APPBP2: variants seen among roughly 807,000 people sequenced by gnomAD.
APPBP2 encodes amyloid beta precursor protein binding protein 2.
A neutral mutation model predicts 76.0 loss-of-function variants in APPBP2; 15 were observed. That is an observed-to-expected ratio of 0.20 (90% CI 0.13 to 0.30). The LOEUF (loss-of-function observed/expected upper bound fraction) is 0.30. Among genes scored for constraint, APPBP2 ranks in the 10% least tolerant of loss-of-function variants. APPBP2 has a pLI of 1.00. For synonymous variants in APPBP2, 222 were observed against 242.2 expected (o/e 0.92, Z 0.77); for missense variants, 401 against 687.2 (o/e 0.58, Z 4.66).
At chr17:60,525,326 G>A (rs1454451669) in intron 1 of APPBP2, among the ~76,000 whole-genome samples, 1 of 152,156 alleles carries the variant, frequency 6.6e-6, no homozygotes, top group East Asian at 1.9e-4. Context: ...GAAGGAACAC[G>A]AAGCAAAAAC....
At chr17:60,508,790 A>G (rs567682857) in intron 1 of APPBP2, among the ~76,000 whole-genome samples, 1 of 152,282 alleles carries the variant, frequency 6.6e-6, no homozygotes, top group East Asian at 1.9e-4. Context: ...GGCATTAAAA[A>G]CTAGCCTGAA....
chr17:60,510,969 T>C (rs1382617549), intron 1 of APPBP2, among the ~76,000 whole-genome samples: 2 of 152,110 alleles, frequency 1.3e-5, no homozygotes, highest in East Asian at 1.9e-4. Flanking sequence ...CCCCCAATGG[T>C]TAAAAGAATG....
At chr17:60,463,358 A>T (rs905810271) in intron 6 of APPBP2, among the ~76,000 whole-genome samples, 4 of 152,180 alleles carry the variant, frequency 2.6e-5, no homozygotes, top group Admixed American at 2.6e-4. Context: ...ACCGTGGTGG[A>T]CCTGTAATCC....
rs562017647 is a variant in APPBP2, at chr17:60,496,947, CTGACCTCAGG to C, written c.228-2340_228-2331del. On this transcript the variant is annotated intron_variant, in intron 2 of 12. Coordinates refer to ENST00000083182, the MANE Select transcript of APPBP2 (RefSeq NM_006380.5). ...TGTTGGCCAGGCTGGTCTTCAACTCCTGACCTCAGGTGATCCACCCACCTTGGCCTCCCAA... is the reference window on the plus strand; with the variant it reads ...TGTTGGCCAGGCTGGTCTTCAACTCCTGATCCACCCACCTTGGCCTCCCAA... Among the ~76,000 whole-genome samples the C allele has an allele frequency of 2.2e-4, 34 of 152,314 alleles. No individual in the cohort carries two copies. In the South Asian group the frequency reaches 7.0e-3, roughly 32 times the overall value.
intron 3 of APPBP2, among the ~76,000 whole-genome samples, chr17:60,484,115 G>A (rs1172970877): frequency 6.6e-6 from 1 of 152,172 alleles, no homozygotes. Flanking sequence ...GTACCACGCT[G>A]TTTTGGTTAC....
At chr17:60,460,974 G>A (rs918571670) in intron 8 of APPBP2, 187 bp from the exon 9 acceptor site, 13 of 380,652 alleles carry the variant, frequency 3.4e-5, no homozygotes, top group African/African-American at 1.4e-4. Context: ...CTGAAGATAC[G>A]AGTTTGACTT....
rs2090812439 is a variant in APPBP2 at position 60,500,285 on chromosome 17, G to A, written c.227+114C>T. 1.1e-5 allele frequency: 8 copies of A among 708,036 alleles called. No individual in the cohort carries two copies. The South Asian group carries it at 1.6e-4, about 14-fold the overall frequency. The allele number at this position is 708,036 out of a possible 1,614,324, so 43.9% of individuals were successfully genotyped here. A position where few individuals can be genotyped will look rare whatever the true frequency, so the allele number is the denominator to read the frequency against. Reference sequence around the variant, plus strand: ...GCCTCCCAAAGTGCTGGGATTACAGGCGTAAGCCACAGCACCCAGCCCACA... The same window carrying A: ...GCCTCCCAAAGTGCTGGGATTACAGACGTAAGCCACAGCACCCAGCCCACA... On this transcript the variant is annotated intron_variant, in intron 2 of 12. Transcript: ENST00000083182.
intron 12 of APPBP2, 99 bp downstream of exon 12, chr17:60,451,780 CA>C: frequency 2.7e-6 from 3 of 1,091,628 alleles, no homozygotes; most frequent in Non-Finnish European, 3.9e-6. Flanking sequence ...CACCCAGCCC[CA>C]TTTAAGTCTT....
intron 1 of APPBP2, among the ~76,000 whole-genome samples, chr17:60,508,137 C>T (rs568108550): frequency 6.6e-6 from 1 of 152,068 alleles, no homozygotes; most frequent in East Asian, 1.9e-4. Flanking sequence ...CAATGCCTGG[C>T]TAATTTGTGT....
chr17:60,493,439 T>C (rs540328720), intron 3 of APPBP2, among the ~76,000 whole-genome samples: 1 of 152,296 alleles, frequency 6.6e-6, no homozygotes, highest in Admixed American at 6.5e-5. Flanking sequence ...TTAAACAATA[T>C]TTTTCTACAT....
At position 60,466,300 on chromosome 17, in the gene APPBP2, G is replaced by A. The variant is rs147956596; in HGVS notation, c.663C>T (p.His221=). ...ELCALLFAKS[H]YDEAYKWCIE... ...ACCTTAAAACACTTACCTCATCATA[G>A]TGACTTTTTGCAAATAGGAGTGCAC... Residue 221 remains histidine, a synonymous_variant, in exon 5 of 13, where the codon CAC becomes CAT. Coordinates refer to ENST00000083182, the MANE Select transcript of APPBP2 (RefSeq NM_006380.5). The A allele has an allele frequency of 2.5e-6, 4 of 1,613,456 alleles. No homozygotes were observed. Among genetic ancestry groups the A allele is most frequent in the Admixed American group, 1.7e-5 (1 of 59,906 alleles).
At chr17:60,496,815 G>A (rs2090779466) in intron 2 of APPBP2, among the ~76,000 whole-genome samples, 1 of 152,058 alleles carries the variant, frequency 6.6e-6, no homozygotes, top group South Asian at 2.1e-4. Context: ...CCGCCTCCCG[G>A]GTTCAAGTGA....
intron 1 of APPBP2, among the ~76,000 whole-genome samples, chr17:60,521,071 G>A (rs541256416): frequency 1.3e-5 from 2 of 152,198 alleles, no homozygotes; most frequent in South Asian, 4.2e-4. Context: ...GCTAGGATGG[G>A]ACTACAGGCA....
chr17:60,466,188 T>C (rs955346002), intron 5 of APPBP2, 103 bp downstream of exon 5: 4 of 1,159,122 alleles, frequency 3.5e-6, no homozygotes, highest in Admixed American at 2.3e-5. Context: ...AAACCTAATA[T>C]GTAAAAGAGA....
chr17:60,495,640 T>C (rs1325255838), intron 2 of APPBP2, among the ~76,000 whole-genome samples: 1 of 151,542 alleles, frequency 6.6e-6, no homozygotes, highest in Non-Finnish European at 1.5e-5. Flanking sequence ...CCTGCTATAA[T>C]TTTTTTTGAA....
chr17:60,481,375 G>A (rs918843171), intron 3 of APPBP2, among the ~76,000 whole-genome samples: 1 of 152,146 alleles, frequency 6.6e-6, no homozygotes, highest in African/African-American at 2.4e-5. Flanking sequence ...AGGATCCCTT[G>A]AGGCCAAGAG....
In APPBP2 at chr17:60,512,109, T is replaced by TTA. The variant is rs1433390977; in HGVS notation, c.139-11623_139-11622insTA. Among the ~76,000 whole-genome samples the TTA allele has an allele frequency of 4.9e-4, 62 of 127,406 alleles. 1 individual carries two copies. The highest frequency in any genetic ancestry group is 3.2e-3 in the African/African-American group (60 of 18,544). 83.6% of individuals were successfully genotyped at this position (127,406 alleles called of 152,430 possible). Reference sequence around the variant, plus strand: ...AGGTGTTTTTTTATTATTATTATTATTTTCTTTTTTTGAGATGGAGTCTCG... The same window carrying TTA: ...AGGTGTTTTTTTATTATTATTATTATTATTTCTTTTTTTGAGATGGAGTCTCG... On this transcript the variant is annotated intron_variant, in intron 1 of 12. Transcript: ENST00000083182.
At chr17:60,516,182 A>C (rs960467794) in intron 1 of APPBP2, among the ~76,000 whole-genome samples, 1 of 152,058 alleles carries the variant, frequency 6.6e-6, no homozygotes, top group Non-Finnish European at 1.5e-5. Flanking sequence ...AAACAAAAAA[A>C]AAACAAACAA....
At chr17:60,452,078 A>T (rs2090399390) in intron 11 of APPBP2, 33 bp from the exon 12 acceptor site, 28 of 1,602,910 alleles carry the variant, frequency 1.7e-5, no homozygotes, top group Admixed American at 3.5e-5. Context: ...CAATCATTAT[A>T]CTTTTTCTCA....
Sources: gnomAD v4.1 joint callset for allele counts (sites outside exome capture counted in the v4.1 genomes callset) on GRCh38, gnomAD v4.1.1 for gene constraint, MANE v1.5 for transcripts, NCBI Gene and HGNC (gene_info 2026-07-23, HGNC 2026-07-21) for gene names.